DHRSX: variants seen among roughly 807,000 people sequenced by gnomAD.
DHRSX encodes polyprenol dehydrogenase.
A neutral mutation model predicts 34.0 loss-of-function variants in DHRSX; 31 were observed. That is an observed-to-expected ratio of 0.91 (90% CI 0.69 to 1.23). DHRSX has a LOEUF of 1.23. Among genes scored for constraint, DHRSX ranks in the 50% most tolerant of loss-of-function variants. The probability of loss-of-function intolerance (pLI) is 0.00; values close to 1 mark genes in which losing one functional copy is unlikely to be tolerated. For missense variants in DHRSX, 414 were observed against 428.1 expected, an observed-to-expected ratio of 0.97 and a Z score of 0.29; for synonymous variants, 201 against 183.8, an observed-to-expected ratio of 1.09 and a Z score of -0.76.
intron 1 of DHRSX, among the ~76,000 whole-genome samples, chrX:2,474,077 A>C (rs2044635218): frequency 6.6e-6 from 1 of 152,140 alleles, no homozygotes; most frequent in Non-Finnish European, 1.5e-5. Context: ...AAGGGATTCC[A>C]CATGAGAGTC....
chrX:2,464,596 G>T (rs968653704), intron 1 of DHRSX, among the ~76,000 whole-genome samples: 6 of 151,412 alleles, frequency 4.0e-5, no homozygotes, highest in African/African-American at 1.5e-4. Context: ...TGCGTCCAGG[G>T]GACAGCTGCC....
chrX:2,310,480 C>T (rs1411716166), intron 3 of DHRSX, among the ~76,000 whole-genome samples: 1 of 151,780 alleles, frequency 6.6e-6, no homozygotes, highest in Non-Finnish European at 1.5e-5. Context: ...AGGCAGCTAT[C>T]CATCTGCCCC....
chrX:2,243,813 T>G (rs1490593526), intron 5 of DHRSX, among the ~76,000 whole-genome samples: 18 of 102,518 alleles, frequency 1.8e-4, no homozygotes, highest in African/African-American at 2.8e-4. Flanking sequence ...TTTTTTTTTT[T>G]TTTTTTTTTG....
chrX:2,312,572 C>T (rs1487501982), intron 3 of DHRSX, among the ~76,000 whole-genome samples: 7 of 151,216 alleles, frequency 4.6e-5, no homozygotes, highest in Non-Finnish European at 8.8e-5. Flanking sequence ...AGGGGTCTTT[C>T]GGGGACTGGG....
At chrX:2,276,332 C>G (rs1419692149) in intron 4 of DHRSX, among the ~76,000 whole-genome samples, 1 of 152,098 alleles carries the variant, frequency 6.6e-6, no homozygotes, top group Non-Finnish European at 1.5e-5. Flanking sequence ...GTGCCGTCCA[C>G]GTTAGGAGCA....
intron 2 of DHRSX, 25 bp downstream of exon 2, chrX:2,425,172 C>G: frequency 6.6e-7 from 1 of 1,522,622 alleles, no homozygotes; most frequent in African/African-American, 1.4e-5. Context: ...AAACAAAAAA[C>G]ACAAGTAACT....
intron 3 of DHRSX, among the ~76,000 whole-genome samples, chrX:2,346,830 T>G (rs1403341049): frequency 6.6e-6 from 1 of 151,890 alleles, no homozygotes; most frequent in Non-Finnish European, 1.5e-5. Flanking sequence ...CCCCAGTGTG[T>G]GATGTTCCCC....
Position 2,489,189 on chromosome X carries a change from C to T in DHRSX, c.109+11628G>A, listed in dbSNP as rs200621212. The T allele has an allele frequency of 1.6e-5, 26 of 1,613,742 alleles. No individual in the cohort carries two copies. The African/African-American group carries it at 2.1e-4, about 13-fold the overall frequency. ...TTGTCCTCAGCCGGCCGGTAGCCGC[C>T]GTCTTTGACCTTGTCCAGCAGGCCC... On this transcript the variant is annotated intron_variant, in intron 1 of 6. Coordinates refer to ENST00000334651, the MANE Select transcript of DHRSX (RefSeq NM_145177.3).
intron 1 of DHRSX, among the ~76,000 whole-genome samples, chrX:2,471,280 T>G (rs2044588239): frequency 6.6e-6 from 1 of 152,136 alleles, no homozygotes; most frequent in African/African-American, 2.4e-5. Context: ...TCAAGGTGTA[T>G]CCACACTGGG....
chrX:2,226,309 G>A (rs1236155074), intron 6 of DHRSX, among the ~76,000 whole-genome samples: 2 of 152,090 alleles, frequency 1.3e-5, no homozygotes, highest in Admixed American at 1.3e-4. Flanking sequence ...GCAATTACTC[G>A]AGTTCCCCTC....
intron 3 of DHRSX, among the ~76,000 whole-genome samples, chrX:2,326,697 T>C (rs2042390550): frequency 6.6e-6 from 1 of 152,110 alleles, no homozygotes; most frequent in Admixed American, 6.6e-5. Context: ...AGGGAGACAG[T>C]AGCATTTTGA....
At chrX:2,326,683 T>C (rs2042390259) in intron 3 of DHRSX, among the ~76,000 whole-genome samples, 1 of 152,100 alleles carries the variant, frequency 6.6e-6, no homozygotes, top group Non-Finnish European at 1.5e-5. Flanking sequence ...TTTGCAATAT[T>C]CCTAGGGAGA....
At chrX:2,265,541 G>T (rs1355760125) in intron 5 of DHRSX, among the ~76,000 whole-genome samples, 1 of 134,994 alleles carries the variant, frequency 7.4e-6, no homozygotes, top group Non-Finnish European at 1.6e-5. Flanking sequence ...AGGGAGCACT[G>T]TCCCCAGAGC....
intron 3 of DHRSX, among the ~76,000 whole-genome samples, chrX:2,405,310 A>T (rs1342888681): frequency 6.6e-6 from 1 of 151,488 alleles, no homozygotes; most frequent in African/African-American, 2.4e-5. Flanking sequence ...AAGATGGTGA[A>T]ACCCCGTCTC....
chrX:2,436,349 C>G (rs929095004), intron 1 of DHRSX, among the ~76,000 whole-genome samples: 2 of 151,834 alleles, frequency 1.3e-5, no homozygotes, highest in African/African-American at 2.4e-5. Flanking sequence ...TGAGTTTTGT[C>G]TACTGTCATG....
intron 3 of DHRSX, among the ~76,000 whole-genome samples, chrX:2,316,563 C>T (rs951420651): frequency 6.6e-6 from 1 of 151,856 alleles, no homozygotes; most frequent in African/African-American, 2.4e-5. Context: ...AAAACAACAA[C>T]AATAATAACA....
At chrX:2,458,829 C>A (rs1177390454) in intron 1 of DHRSX, among the ~76,000 whole-genome samples, 1 of 151,856 alleles carries the variant, frequency 6.6e-6, no homozygotes, top group East Asian at 1.9e-4. Flanking sequence ...GAAACCCCAT[C>A]TCTAAAAATA....
At chrX:2,242,655 C>T (rs1228714331) in intron 6 of DHRSX, among the ~76,000 whole-genome samples, 1 of 152,052 alleles carries the variant, frequency 6.6e-6, no homozygotes, top group Non-Finnish European at 1.5e-5. Context: ...GAGTGACCTC[C>T]GGCTGTCGTG....
intron 1 of DHRSX, chrX:2,488,975 C>A: frequency 6.2e-7 from 1 of 1,600,412 alleles, no homozygotes; most frequent in South Asian, 1.1e-5. Context: ...TTCGTTGAGG[C>A]CAAGCACCTT....
Sources: allele counts gnomAD v4.1 joint callset (sites outside exome capture counted in the v4.1 genomes callset), GRCh38; gene constraint gnomAD v4.1.1; transcripts MANE v1.5; gene names NCBI Gene and HGNC (gene_info 2026-07-23, HGNC 2026-07-21).